Variants in RBFOX1 observed in about 807,000 individuals in gnomAD.
The protein encoded by RBFOX1 is RNA binding protein fox-1 homolog 1.
In RBFOX1, 8 loss-of-function variants were observed where a neutral mutation model predicts 57.7. The observed-to-expected ratio is 0.14, with a 90% confidence interval of 0.08 to 0.25. RBFOX1 has a LOEUF of 0.25. Ranked by LOEUF, RBFOX1 falls within the 10% of genes least tolerant of loss-of-function variation. The pLI is 1.00. For missense variants in RBFOX1, 611 were observed against 548.5 expected, an observed-to-expected ratio of 1.11 and a Z score of -1.14; for synonymous variants, 326 against 222.4, an observed-to-expected ratio of 1.47 and a Z score of -4.15.
intron 4 of RBFOX1, among the ~76,000 whole-genome samples, chr16:7,454,264 A>T (rs567545046): frequency 2.6e-5 from 4 of 152,136 alleles, no homozygotes; most frequent in East Asian, 1.9e-4. Context: ...GTCATAGCCA[A>T]TGTCTTCCCA....
At chr16:5,442,852 G>A (rs1160519332) in intron 1 of RBFOX1, among the ~76,000 whole-genome samples, 1 of 152,152 alleles carries the variant, frequency 6.6e-6, no homozygotes, top group African/African-American at 2.4e-5. Context: ...TAAGGTCTTT[G>A]CAGATGTGAT....
At chr16:6,053,148 C>T (rs943063752) in intron 1 of RBFOX1, among the ~76,000 whole-genome samples, 6 of 152,138 alleles carry the variant, frequency 3.9e-5, no homozygotes, top group African/African-American at 1.4e-4. Context: ...AGTGAGGCCT[C>T]CGCTATTATT....
chr16:5,483,315 T>A (rs944471454), intron 2 of RBFOX1, among the ~76,000 whole-genome samples: 3 of 152,190 alleles, frequency 2.0e-5, no homozygotes, highest in African/African-American at 7.2e-5. Context: ...TTGGCACACA[T>A]CATTAGTTGA....
intron 2 of RBFOX1, among the ~76,000 whole-genome samples, chr16:5,539,590 G>A (rs1475929913): frequency 6.6e-6 from 1 of 151,450 alleles, no homozygotes; most frequent in Non-Finnish European, 1.5e-5. Flanking sequence ...AATAGAGCGA[G>A]ACTCTCTCTC....
rs559052994 is a variant in RBFOX1, at chr16:5,566,844, T to C, written c.259-32058T>C. 2.6e-5 allele frequency among the ~76,000 whole-genome samples: 4 copies of C among 152,262 alleles called. No individual in the cohort carries two copies. The South Asian group carries it at 8.3e-4, about 32-fold the overall frequency. ...CACACCGCATCGACTCACTCCCTTG[T>C]TGTGTATTTAATCAAATAGCCCATA... is the stretch of plus-strand genomic sequence containing the variant. On this transcript the variant is annotated intron_variant, in intron 2 of 2. Coordinates refer to the RBFOX1 transcript ENST00000585867.
intron 1 of RBFOX1, among the ~76,000 whole-genome samples, chr16:6,171,426 C>G (rs1038720850): frequency 1.3e-5 from 2 of 152,140 alleles, no homozygotes; most frequent in Non-Finnish European, 2.9e-5. Flanking sequence ...TCAAAGGTAG[C>G]CTTTGGCCAA....
chr16:5,281,793 T>G (rs1027807486), intron 1 of RBFOX1, among the ~76,000 whole-genome samples: 2 of 152,240 alleles, frequency 1.3e-5, no homozygotes, highest in Admixed American at 1.3e-4. Flanking sequence ...TTCAATCCCT[T>G]CACTTTCAGT....
intron 1 of RBFOX1, among the ~76,000 whole-genome samples, chr16:5,295,392 A>G (rs977988455): frequency 3.3e-5 from 5 of 152,214 alleles, no homozygotes; most frequent in Admixed American, 3.3e-4. Flanking sequence ...TTGAGACAGC[A>G]CACAGTTATC....
intron 4 of RBFOX1, among the ~76,000 whole-genome samples, chr16:7,374,384 A>C (rs1243486790): frequency 1.3e-5 from 2 of 152,210 alleles, no homozygotes; most frequent in Non-Finnish European, 2.9e-5. Flanking sequence ...ATTCCCCTCA[A>C]ATGAATGTGT....
intron 4 of RBFOX1, among the ~76,000 whole-genome samples, chr16:7,458,735 C>A (rs572642657): frequency 1.3e-5 from 2 of 152,248 alleles, no homozygotes; most frequent in Admixed American, 6.5e-5. Context: ...TAGCTCATTA[C>A]CTTTTCAGAT....
At chr16:7,656,429 G>A (rs1017765154) in intron 12 of RBFOX1, among the ~76,000 whole-genome samples, 2 of 145,026 alleles carry the variant, frequency 1.4e-5, no homozygotes, top group African/African-American at 5.0e-5. Context: ...GGGACCCAGG[G>A]CAGGAGCTGG....
chr16:7,363,454 A>G (rs990357484), intron 4 of RBFOX1, among the ~76,000 whole-genome samples: 4 of 151,944 alleles, frequency 2.6e-5, no homozygotes, highest in African/African-American at 9.7e-5. Context: ...TCTGAGCCAG[A>G]TTCAATCCTT....
intron 1 of RBFOX1, among the ~76,000 whole-genome samples, chr16:6,066,293 CAAAAAAAAAA>C (rs372412356): frequency 6.0e-5 from 3 of 50,400 alleles, no homozygotes; most frequent in African/African-American, 4.3e-4. Flanking sequence ...GACTCTGTCT[CAAAAAAAAAA>C]AAAAAAAAAA....
chr16:5,608,764 C>G lies in RBFOX1; in HGVS notation c.318+9803C>G, dbSNP rs191484035. Among the ~76,000 whole-genome samples the G allele has an allele frequency of 1.2e-4, 19 of 152,324 alleles. No homozygotes were observed. The East Asian group carries it at 3.5e-3, about 28-fold the overall frequency. ...AACTCTCCCTCCCATCCCCTATCCT[C>G]TGAAGGTAGCTGGCTTTCCTGATGT... On this transcript the variant is annotated intron_variant, in intron 3 of 19. Transcript: ENST00000641259.
intron 3 of RBFOX1, among the ~76,000 whole-genome samples, chr16:6,999,608 A>T (rs928353757): frequency 2.6e-5 from 4 of 152,042 alleles, no homozygotes; most frequent in African/African-American, 9.7e-5. Flanking sequence ...ACAACTACCA[A>T]TATGTGGCCA....
intron 1 of RBFOX1, among the ~76,000 whole-genome samples, chr16:5,416,774 C>T (rs1323252438): frequency 6.6e-6 from 1 of 151,982 alleles, no homozygotes; most frequent in Non-Finnish European, 1.5e-5. Context: ...CTCATTCATG[C>T]AGATAGGAAC....
chr16:7,630,064 A>G (rs2060692143), intron 10 of RBFOX1, among the ~76,000 whole-genome samples: 1 of 152,096 alleles, frequency 6.6e-6, no homozygotes, highest in Non-Finnish European at 1.5e-5. Context: ...CTCTAAACCT[A>G]TCAACATGTA....
intron 3 of RBFOX1, among the ~76,000 whole-genome samples, chr16:6,871,876 G>A (rs372885913): frequency 1.3e-5 from 2 of 150,918 alleles, no homozygotes; most frequent in African/African-American, 4.9e-5. Flanking sequence ...ATGGCACTTT[G>A]TCACAATCCA....
chr16:6,731,812 C>G (rs2068681931), intron 3 of RBFOX1, among the ~76,000 whole-genome samples: 1 of 152,124 alleles, frequency 6.6e-6, no homozygotes, highest in Non-Finnish European at 1.5e-5. Context: ...TGTTTCCTAC[C>G]TTCCAAAATG....
Sources: gnomAD v4.1 joint callset for allele counts (sites outside exome capture counted in the v4.1 genomes callset) on GRCh38, gnomAD v4.1.1 for gene constraint, MANE v1.5 for transcripts, NCBI Gene and HGNC (gene_info 2026-07-23, HGNC 2026-07-21) for gene names.